GRIK2: variants seen among roughly 807,000 people sequenced by gnomAD.
The protein encoded by GRIK2 is glutamate receptor ionotropic, kainate 2.
GRIK2 carries 32 observed loss-of-function variants against 100.3 expected under a neutral mutation model. That is an observed-to-expected ratio of 0.32 (90% CI 0.24 to 0.43). GRIK2 has a LOEUF of 0.43. Among genes scored for constraint, GRIK2 ranks in the 20% least tolerant of loss-of-function variants. GRIK2 has a pLI of 1.00. For missense variants in GRIK2, 843 were observed against 1,114.9 expected, an observed-to-expected ratio of 0.76 and a Z score of 3.47; for synonymous variants, 417 against 389.4, an observed-to-expected ratio of 1.07 and a Z score of -0.83.
chr6:101,834,210 T>G (rs1172155655), intron 10 of GRIK2, among the ~76,000 whole-genome samples: 1 of 152,104 alleles, frequency 6.6e-6, no homozygotes, highest in Non-Finnish European at 1.5e-5. Context: ...CACATAAAAT[T>G]CTTTGAGGCT....
At chr6:101,997,053 C>T (rs768071147) in intron 14 of GRIK2, among the ~76,000 whole-genome samples, 5 of 151,906 alleles carry the variant, frequency 3.3e-5, no homozygotes, top group African/African-American at 7.3e-5. Context: ...TTTACAGAAA[C>T]GTGTAACTTG....
intron 2 of GRIK2, among the ~76,000 whole-genome samples, chr6:101,581,830 T>G (rs748189775): frequency 1.3e-4 from 20 of 152,088 alleles, no homozygotes; most frequent in Non-Finnish European, 1.9e-4. Flanking sequence ...ATTGGTGTCT[T>G]TGAGAAACTG....
chr6:101,941,406 G>T (rs1272920613), intron 14 of GRIK2, among the ~76,000 whole-genome samples: 1 of 151,980 alleles, frequency 6.6e-6, no homozygotes, highest in African/African-American at 2.4e-5. Context: ...AAATGGAAAA[G>T]TTGTTTGTCA....
intron 2 of GRIK2, among the ~76,000 whole-genome samples, chr6:101,437,370 A>G (rs1340616880): frequency 6.6e-6 from 1 of 152,128 alleles, no homozygotes; most frequent in Non-Finnish European, 1.5e-5. Context: ...TAGAAACATC[A>G]TGTGGGGAGC....
intron 2 of GRIK2, among the ~76,000 whole-genome samples, chr6:101,610,939 C>A (rs1357830486): frequency 6.6e-6 from 1 of 151,668 alleles, no homozygotes; most frequent in Non-Finnish European, 1.5e-5. Flanking sequence ...GTCTGCCTTC[C>A]CAATCAGTAT....
chr6:101,489,543 T>A (rs752948373), intron 2 of GRIK2, among the ~76,000 whole-genome samples: 1 of 146,564 alleles, frequency 6.8e-6, no homozygotes, highest in Non-Finnish European at 1.5e-5. Flanking sequence ...TTGCCAACTA[T>A]GATAACATAG....
chr6:101,831,039 T>C (rs909612043), intron 10 of GRIK2, among the ~76,000 whole-genome samples: 1 of 152,024 alleles, frequency 6.6e-6, no homozygotes, highest in African/African-American at 2.4e-5. Flanking sequence ...GTTGACAGGG[T>C]CATGAGAAGC....
intron 2 of GRIK2, among the ~76,000 whole-genome samples, chr6:101,561,950 G>C (rs892976072): frequency 2.0e-5 from 3 of 152,036 alleles, no homozygotes; most frequent in African/African-American, 7.3e-5. Flanking sequence ...AAAATATGTG[G>C]GGGTCATCCT....
intron 14 of GRIK2, among the ~76,000 whole-genome samples, chr6:102,030,934 G>A (rs1227347628): frequency 1.3e-5 from 2 of 150,932 alleles, no homozygotes; most frequent in African/African-American, 2.4e-5. Flanking sequence ...AACTCACTAG[G>A]TATAATCTTT....
intron 2 of GRIK2, among the ~76,000 whole-genome samples, chr6:101,565,229 G>A (rs1156278358): frequency 1.3e-5 from 2 of 152,022 alleles, no homozygotes; most frequent in African/African-American, 4.8e-5. Flanking sequence ...CCCTTCTAAA[G>A]TGGTTCCTCG....
chr6:101,542,455 G>A (rs1319942990), intron 2 of GRIK2, among the ~76,000 whole-genome samples: 3 of 145,022 alleles, frequency 2.1e-5, no homozygotes, highest in South Asian at 2.3e-4. Context: ...TCAATAACAG[G>A]CGTATTTAAA....
intron 14 of GRIK2, among the ~76,000 whole-genome samples, chr6:101,944,250 T>G (rs1791136982): frequency 6.6e-6 from 1 of 152,188 alleles, no homozygotes. Context: ...CTCTTTTCTT[T>G]ACAAATTACT....
intron 4 of GRIK2, among the ~76,000 whole-genome samples, chr6:101,673,761 G>A (rs191614537): frequency 6.6e-6 from 1 of 151,962 alleles, no homozygotes; most frequent in African/African-American, 2.4e-5. Flanking sequence ...AATATTATTT[G>A]CCAGTCTTCA....
intron 7 of GRIK2, among the ~76,000 whole-genome samples, chr6:101,702,911 T>A (rs1164313573): frequency 6.6e-6 from 1 of 151,826 alleles, no homozygotes; most frequent in Non-Finnish European, 1.5e-5. Flanking sequence ...CACTGATAGG[T>A]TGCCTTTCTT....
chr6:101,576,426 G>A (rs1250657475), intron 2 of GRIK2, among the ~76,000 whole-genome samples: 1 of 151,888 alleles, frequency 6.6e-6, no homozygotes, highest in African/African-American at 2.4e-5. Flanking sequence ...ATATTCCTCT[G>A]GGATGAATAC....
intron 16 of GRIK2, among the ~76,000 whole-genome samples, chr6:102,067,605 T>G (rs1403405451): frequency 6.6e-6 from 1 of 151,834 alleles, no homozygotes; most frequent in Non-Finnish European, 1.5e-5. Flanking sequence ...CAAATCTATT[T>G]CCAATGAGAT....
intron 2 of GRIK2, among the ~76,000 whole-genome samples, chr6:101,408,253 A>G (rs1775693097): frequency 6.6e-6 from 1 of 152,118 alleles, no homozygotes; most frequent in South Asian, 2.1e-4. Flanking sequence ...AGCAAAAGAC[A>G]CATCTTGGTC....
At chr6:101,872,722 T>A (rs1450835926) in intron 11 of GRIK2, among the ~76,000 whole-genome samples, 1 of 151,950 alleles carries the variant, frequency 6.6e-6, no homozygotes, top group Non-Finnish European at 1.5e-5. Context: ...CTTTTTCATC[T>A]TATTCCCTAT....
intron 14 of GRIK2, among the ~76,000 whole-genome samples, chr6:101,978,823 C>T (rs774193453): frequency 3.9e-5 from 6 of 151,908 alleles, no homozygotes; most frequent in Non-Finnish European, 7.4e-5. Flanking sequence ...TATTTACTAA[C>T]AATAAATAAA....
Sources: allele counts gnomAD v4.1 joint callset (sites outside exome capture counted in the v4.1 genomes callset), GRCh38; gene constraint gnomAD v4.1.1; transcripts MANE v1.5; gene names NCBI Gene and HGNC (gene_info 2026-07-23, HGNC 2026-07-21).